The following SLC16A9 variants were observed in gnomAD, a reference collection of about 807,000 sequenced individuals.
SLC16A9 encodes the protein solute carrier family 16 member 9.
SLC16A9 carries 26 observed loss-of-function variants against 44.3 expected under a neutral mutation model. The observed-to-expected ratio is 0.59, with a 90% confidence interval of 0.43 to 0.81. The LOEUF is 0.81. SLC16A9 is among the 40% of genes least tolerant of loss of function. SLC16A9 has a pLI of 0.00. For synonymous variants in SLC16A9, 230 were observed against 225.1 expected (o/e 1.02, Z -0.19); for missense variants, 559 against 595.8 (o/e 0.94, Z 0.64).
At chr10:59,702,093 AG>A (rs1222492872) in intron 1 of SLC16A9, among the ~76,000 whole-genome samples, 1 of 152,212 alleles carries the variant, frequency 6.6e-6, no homozygotes, top group Admixed American at 6.5e-5. Context: ...ATGCATTGAA[AG>A]CCTACTTACC....
intron 1 of SLC16A9, among the ~76,000 whole-genome samples, chr10:59,700,916 G>A (rs1588998866): frequency 1.3e-5 from 2 of 152,202 alleles, no homozygotes; most frequent in African/African-American, 4.8e-5. Context: ...GACTCTCCCA[G>A]GCTCTCTCTA....
rs542594529 is a variant in SLC16A9 at position 59,693,764 on chromosome 10, C to T, written c.-36-9437G>A. Among the ~76,000 whole-genome samples the T allele has an allele frequency of 2.2e-4, 33 of 151,284 alleles. No homozygotes were observed. In the East Asian group the frequency reaches 4.1e-3, roughly 19 times the overall value. On this transcript the variant is annotated intron_variant, in intron 1 of 5. Transcript: ENST00000395348. ...CCTCCCAAGTAGCTGGGGCTACAGGCGCCCGCCACCACACCCGGCTAATTT... is the reference window on the plus strand; with the variant it reads ...CCTCCCAAGTAGCTGGGGCTACAGGTGCCCGCCACCACACCCGGCTAATTT...
At chr10:59,687,165 A>T (rs567675258) in intron 1 of SLC16A9, among the ~76,000 whole-genome samples, 1 of 152,286 alleles carries the variant, frequency 6.6e-6, no homozygotes, top group South Asian at 2.1e-4. Flanking sequence ...TCAGCCTCCC[A>T]AAGTGCCAGG....
intron 1 of SLC16A9, among the ~76,000 whole-genome samples, chr10:59,690,553 G>T (rs1415885578): frequency 2.0e-5 from 3 of 152,172 alleles, no homozygotes; most frequent in Non-Finnish European, 4.4e-5. Flanking sequence ...GCCAAGGCAA[G>T]AGGAATAACA....
intron 5 of SLC16A9, among the ~76,000 whole-genome samples, chr10:59,653,443 A>AAAAAAAAAAAAAAC (rs1839262239): frequency 2.0e-5 from 3 of 149,350 alleles, no homozygotes; most frequent in Non-Finnish European, 4.4e-5. Context: ...AAAAAAAAAA[A>AAAAAAAAAAAAAAC]AAGCAGGCAT....
chr10:59,666,624 C>T (rs1839624353), intron 3 of SLC16A9, among the ~76,000 whole-genome samples: 1 of 152,154 alleles, frequency 6.6e-6, no homozygotes, highest in Admixed American at 6.5e-5. Context: ...AAAACAAACA[C>T]ATTTGTTTTC....
rs1414620594 is a variant in SLC16A9, at chr10:59,668,884, G to T, written c.340+3886C>A. Among the ~76,000 whole-genome samples the T allele has an allele frequency of 1.4e-4, 21 of 152,092 alleles. No individual in the cohort carries two copies. In the South Asian group the frequency reaches 2.5e-3, roughly 18 times the overall value. On this transcript the variant is annotated intron_variant, in intron 3 of 5. Transcript: ENST00000395348. ...TTATATAACAATTTTGAAAGGGGGG[G>T]CTTATAAATCTCTATTTCTACTAAA...
At chr10:59,671,745 A>G (rs16913937) in intron 3 of SLC16A9, among the ~76,000 whole-genome samples, 1,844 of 152,272 alleles carry the variant, frequency 0.012, 36 homozygotes, top group African/African-American at 0.042. Flanking sequence ...CAAATCCCAT[A>G]TAAATGGACT....
At chr10:59,681,845 T>C (rs1455923045) in intron 2 of SLC16A9, among the ~76,000 whole-genome samples, 1 of 57,908 alleles carries the variant, frequency 1.7e-5, no homozygotes, top group African/African-American at 3.9e-5. Flanking sequence ...ATATGATGTA[T>C]ATGTATATGT....
At chr10:59,667,266 T>C (rs968647888) in intron 3 of SLC16A9, among the ~76,000 whole-genome samples, 5 of 152,228 alleles carry the variant, frequency 3.3e-5, no homozygotes, top group Admixed American at 1.3e-4. Flanking sequence ...GAAAAGACTC[T>C]TAAACACTCT....
At chr10:59,689,991 A>G (rs61147620) in intron 1 of SLC16A9, among the ~76,000 whole-genome samples, 1,689 of 152,244 alleles carry the variant, frequency 0.011, 34 homozygotes, top group African/African-American at 0.038. Context: ...AAGCCCATTT[A>G]TCCTAATGTT....
In SLC16A9 at chr10:59,681,780, TATG is replaced by T. The variant is rs552897726; in HGVS notation, c.196+2313_196+2315del. ...TGTATATGATGTATATGTATATGTA[TATG>T]ATGTATATGTATATGTATATGTATA... On this transcript the variant is annotated intron_variant, in intron 2 of 5. Coordinates refer to ENST00000395348, the MANE Select transcript of SLC16A9 (RefSeq NM_194298.3). 6.1e-3 allele frequency among the ~76,000 whole-genome samples: 49 copies of T among 8,042 alleles called. 10 individuals are homozygous for T. The highest frequency in any genetic ancestry group is 0.016 in the East Asian group (3 of 184). 5.3% of individuals were successfully genotyped at this position (8,042 alleles called of 152,430 possible). A position where few individuals can be genotyped will look rare whatever the true frequency, so the allele number is the denominator to read the frequency against.
chr10:59,700,041 A>G (rs914004582), intron 1 of SLC16A9, among the ~76,000 whole-genome samples: 3 of 152,196 alleles, frequency 2.0e-5, no homozygotes, highest in Non-Finnish European at 4.4e-5. Flanking sequence ...TGGAAAGAAA[A>G]GTCAGCAAAT....
intron 1 of SLC16A9, among the ~76,000 whole-genome samples, chr10:59,685,877 T>C (rs1840120128): frequency 6.6e-6 from 1 of 152,200 alleles, no homozygotes; most frequent in South Asian, 2.1e-4. Flanking sequence ...CTAATTCATA[T>C]TGTCTCCAGG....
intron 4 of SLC16A9, among the ~76,000 whole-genome samples, chr10:59,658,714 C>A (rs1022319997): frequency 1.3e-5 from 2 of 152,228 alleles, no homozygotes; most frequent in African/African-American, 4.8e-5. Flanking sequence ...TCTGTTTTTG[C>A]ATCCCTTCTC....
chr10:59,681,265 C>T (rs1478368050), intron 2 of SLC16A9, among the ~76,000 whole-genome samples: 1 of 151,846 alleles, frequency 6.6e-6, no homozygotes, highest in East Asian at 1.9e-4. Context: ...CCAGACACTG[C>T]TTGCTAATAC....
At chr10:59,657,462 A>G (rs1588961132) in intron 4 of SLC16A9, among the ~76,000 whole-genome samples, 2 of 152,164 alleles carry the variant, frequency 1.3e-5, no homozygotes, top group East Asian at 3.9e-4. Flanking sequence ...TTAGCTTATC[A>G]TATCTTTGAC....
chr10:59,653,186 G>A (rs553799117), intron 5 of SLC16A9, among the ~76,000 whole-genome samples: 2 of 151,800 alleles, frequency 1.3e-5, no homozygotes, highest in South Asian at 2.1e-4. Context: ...TTGGGAGGCC[G>A]AGGCGGGCGG....
At position 59,653,818 on chromosome 10, in the gene SLC16A9, C is replaced by T. The variant is rs968540624; in HGVS notation, c.1208G>A (p.Gly403Glu). The T allele has an allele frequency of 6.2e-7, 1 of 1,613,956 alleles. No homozygotes were observed. The highest frequency in any genetic ancestry group is 1.3e-5 in the African/African-American group (1 of 74,892). The change falls in exon 5 of 6, where the codon GGG becomes GAG. Residue 403 changes from glycine (G) to glutamate (E), a missense_variant. Gly to Glu is a moderately conservative substitution (Grantham distance 98). Transcript: ENST00000395348. Reference protein sequence around the residue: ...KSYVTLALLSGILGFLTGNWS... With the variant: ...KSYVTLALLSEILGFLTGNWS... ...ATTACCAGTAAGAAACCCTAGGATC[C>T]CAGAAAGCAACGCCAATGTGACATA...
Sources: gnomAD v4.1 joint callset for allele counts (sites outside exome capture counted in the v4.1 genomes callset) on GRCh38, gnomAD v4.1.1 for gene constraint, MANE v1.5 for transcripts, NCBI Gene and HGNC (gene_info 2026-07-23, HGNC 2026-07-21) for gene names.